Variants in SLC44A3 observed in about 807,000 individuals in gnomAD.
SLC44A3 encodes choline transporter-like protein 3.
SLC44A3 carries 74 observed loss-of-function variants against 75.4 expected under a neutral mutation model. The ratio of observed to expected loss-of-function variants is 0.98; its 90% CI spans 0.81 to 1.19. SLC44A3 has a LOEUF of 1.19. Among genes scored for constraint, SLC44A3 ranks in the 50% most tolerant of loss-of-function variants. The pLI, the probability that SLC44A3 is intolerant of heterozygous loss-of-function variation, is 0.00. For synonymous variants in SLC44A3, 310 were observed against 296.9 expected (o/e 1.04, Z -0.45); for missense variants, 700 against 778.6 (o/e 0.90, Z 1.20).
intron 12 of SLC44A3, among the ~76,000 whole-genome samples, chr1:94,887,760 T>A (rs1408515542): frequency 6.6e-6 from 1 of 152,026 alleles, no homozygotes; most frequent in Non-Finnish European, 1.5e-5. Context: ...GCAGCCTGAA[T>A]GAAGAGAGGA....
At chr1:94,854,085 A>G (rs1665553881) in intron 9 of SLC44A3, among the ~76,000 whole-genome samples, 1 of 152,228 alleles carries the variant, frequency 6.6e-6, no homozygotes, top group African/African-American at 2.4e-5. Context: ...TTAACTCATA[A>G]CAGCTATGTG....
intron 9 of SLC44A3, among the ~76,000 whole-genome samples, chr1:94,854,911 T>A (rs1050057563): frequency 4.0e-5 from 6 of 151,788 alleles, no homozygotes; most frequent in Admixed American, 2.6e-4. Context: ...AGCGAAGATC[T>A]GGTCCACAAT....
In SLC44A3 at chr1:94,891,872, G is replaced by A. The variant is rs565873118; in HGVS notation, c.1621-409G>A. Among the ~76,000 whole-genome samples the A allele has an allele frequency of 7.9e-5, 12 of 151,762 alleles. No individual in the cohort carries two copies. In the South Asian group the frequency reaches 2.5e-3, roughly 32 times the overall value. ...TGGGAGGCGGAGGTTGCAGTGAGCC[G>A]AGATCACACCACTGTACTCCAGCCT... On this transcript the variant is annotated intron_variant, in intron 13 of 14. Coordinates refer to ENST00000271227, the MANE Select transcript of SLC44A3 (RefSeq NM_001114106.3).
At chr1:94,822,379 T>C (rs1660731064) in intron 2 of SLC44A3, among the ~76,000 whole-genome samples, 1 of 152,246 alleles carries the variant, frequency 6.6e-6, no homozygotes, top group Admixed American at 6.5e-5. Context: ...GTTCTCACTA[T>C]GGCATTCTGT....
At chr1:94,841,049 T>C (rs1663561071) in intron 7 of SLC44A3, among the ~76,000 whole-genome samples, 1 of 152,200 alleles carries the variant, frequency 6.6e-6, no homozygotes, top group South Asian at 2.1e-4. Flanking sequence ...CAGGGTGCAC[T>C]TACACAAACC....
intron 3 of SLC44A3, 61 bp downstream of exon 3, chr1:94,824,696 T>C (rs1003710769): frequency 1.6e-5 from 23 of 1,475,212 alleles, no homozygotes; most frequent in Non-Finnish European, 1.9e-5. Flanking sequence ...TTGTATAAAT[T>C]CATCATTTGG....
intron 9 of SLC44A3, 26 bp from the exon 10 acceptor site, chr1:94,857,309 A>T: frequency 6.4e-7 from 1 of 1,573,350 alleles, no homozygotes. Flanking sequence ...CATTGGTGTA[A>T]AGCATGTTTG....
intron 9 of SLC44A3, among the ~76,000 whole-genome samples, chr1:94,848,702 G>A (rs1664785091): frequency 6.6e-6 from 1 of 152,126 alleles, no homozygotes. Context: ...GAACAGGATT[G>A]AGGTCGACTC....
At chr1:94,821,434 G>A (rs1275669331) in intron 2 of SLC44A3, among the ~76,000 whole-genome samples, 1 of 152,158 alleles carries the variant, frequency 6.6e-6, no homozygotes, top group Non-Finnish European at 1.5e-5. Context: ...CAAAGGAAAA[G>A]CCAGGGTAAG....
intron 8 of SLC44A3, among the ~76,000 whole-genome samples, chr1:94,842,492 C>T (rs552526714): frequency 6.6e-5 from 10 of 152,330 alleles, no homozygotes; most frequent in Admixed American, 1.3e-4. Context: ...GCTCAGCTTC[C>T]GCTGCCCTCT....
chr1:94,859,780 T>C lies in SLC44A3; in HGVS notation c.1238+2280T>C, dbSNP rs116067255. On this transcript the variant is annotated intron_variant, in intron 10 of 14. Coordinates refer to ENST00000271227, the MANE Select transcript of SLC44A3 (RefSeq NM_001114106.3). The stretch of plus-strand genomic sequence containing the variant: ...AAACACTGAAATGAGGTCCCCCACA[T>C]ACACCAGCACCCCACATTCCACAGT... Among the ~76,000 whole-genome samples the C allele has an allele frequency of 7.2e-3, 1,099 of 152,256 alleles. 12 individuals are homozygous for C. Among genetic ancestry groups the C allele is most frequent in the African/African-American group, 0.025 (1,055 of 41,532 alleles).
intron 12 of SLC44A3, among the ~76,000 whole-genome samples, chr1:94,879,557 A>AC (rs1668714969): frequency 1.3e-5 from 1 of 77,928 alleles, no homozygotes. Flanking sequence ...AAAAAAAAAA[A>AC]GGCTGGGCGC....
At chr1:94,879,838 CAAA>C (rs763642670) in intron 12 of SLC44A3, among the ~76,000 whole-genome samples, 1 of 60,812 alleles carries the variant, frequency 1.6e-5, no homozygotes, top group Non-Finnish European at 3.6e-5. Context: ...GATTCTGTCT[CAAA>C]AAAAAAAAAA....
chr1:94,840,414 C>A (rs187769235), intron 7 of SLC44A3, among the ~76,000 whole-genome samples: 182 of 151,856 alleles, frequency 1.2e-3, no homozygotes, highest in Non-Finnish European at 2.0e-3. Flanking sequence ...CTCAGCCCCC[C>A]AGGTAGCTGG....
intron 9 of SLC44A3, among the ~76,000 whole-genome samples, chr1:94,850,974 GGA>G (rs1267351066): frequency 1.3e-5 from 2 of 152,092 alleles, no homozygotes; most frequent in African/African-American, 4.8e-5. Flanking sequence ...AGGTTGCACG[GGA>G]GAGAGTTGAA....
At chr1:94,884,324 G>T (rs1669326319) in intron 12 of SLC44A3, among the ~76,000 whole-genome samples, 2 of 152,198 alleles carry the variant, frequency 1.3e-5, no homozygotes, top group African/African-American at 4.8e-5. Flanking sequence ...CAGAGGCTGT[G>T]CACTGCCTCA....
At chr1:94,862,922 C>T (rs1355437751) in intron 10 of SLC44A3, among the ~76,000 whole-genome samples, 1 of 152,134 alleles carries the variant, frequency 6.6e-6, no homozygotes, top group African/African-American at 2.4e-5. Flanking sequence ...TTCCTGAAGG[C>T]AGGTTTGGCT....
chr1:94,862,753 T>C (rs1230295384), intron 10 of SLC44A3, among the ~76,000 whole-genome samples: 1 of 152,204 alleles, frequency 6.6e-6, no homozygotes, highest in African/African-American at 2.4e-5. Context: ...TGAGGAAGGC[T>C]GACTGGGGGC....
At chr1:94,866,010 G>A (rs369012453) in intron 11 of SLC44A3, among the ~76,000 whole-genome samples, 132 of 152,214 alleles carry the variant, frequency 8.7e-4, no homozygotes, top group African/African-American at 3.1e-3. Context: ...ATATTTTCTT[G>A]TATTTCTATT....
Sources: gnomAD v4.1 joint callset for allele counts (sites outside exome capture counted in the v4.1 genomes callset) on GRCh38, gnomAD v4.1.1 for gene constraint, MANE v1.5 for transcripts, NCBI Gene and HGNC (gene_info 2026-07-23, HGNC 2026-07-21) for gene names.